CD96: variants seen among roughly 807,000 people sequenced by gnomAD.
CD96 encodes the protein T-cell surface protein tactile.
In CD96, 70 loss-of-function variants were observed where a neutral mutation model predicts 71.3. That is an observed-to-expected ratio of 0.98 (90% CI 0.81 to 1.20). The LOEUF (loss-of-function observed/expected upper bound fraction) is 1.20, where lower values mean the gene tolerates loss of function less well. CD96 is among the 50% of genes most tolerant of loss of function. CD96 has a pLI of 0.00. For synonymous variants in CD96, 248 were observed against 233.0 expected (o/e 1.06, Z -0.59); for missense variants, 742 against 677.5 (o/e 1.10, Z -1.06).
chr3:111,649,437 G>A (rs762150809), intron 13 of CD96, among the ~76,000 whole-genome samples: 50 of 152,278 alleles, frequency 3.3e-4, no homozygotes, highest in Non-Finnish European at 5.3e-4. Context: ...TCTGTAGATG[G>A]TGAGGCAATT....
intron 13 of CD96, among the ~76,000 whole-genome samples, chr3:111,648,729 ATC>A (rs10612267): frequency 0.018 from 2,780 of 152,208 alleles, 82 homozygotes; most frequent in African/African-American, 0.061. Flanking sequence ...ATGAGAATCA[ATC>A]TCTCTATCCT....
chr3:111,629,354 G>T (rs1187092017), intron 10 of CD96, among the ~76,000 whole-genome samples: 1 of 151,934 alleles, frequency 6.6e-6, no homozygotes, highest in Non-Finnish European at 1.5e-5. Flanking sequence ...AAAAAGCAGA[G>T]GTTGCAGTCT....
At chr3:111,626,275 C>A (rs1005833346) in intron 10 of CD96, among the ~76,000 whole-genome samples, 34 of 132,342 alleles carry the variant, frequency 2.6e-4, no homozygotes, top group Non-Finnish European at 4.5e-4. Flanking sequence ...CCACTGCACT[C>A]CAGCCTGGGT....
chr3:111,622,645 C>T (rs1045916343), intron 8 of CD96, among the ~76,000 whole-genome samples: 3 of 152,166 alleles, frequency 2.0e-5, no homozygotes, highest in Admixed American at 6.5e-5. Flanking sequence ...CATTCACTAC[C>T]AACTAAAGCT....
chr3:111,662,273 A>T (rs1399947748), intron 14 of CD96, among the ~76,000 whole-genome samples: 1 of 152,196 alleles, frequency 6.6e-6, no homozygotes, highest in Non-Finnish European at 1.5e-5. Context: ...TTTCCCTCTT[A>T]GTCCTCCAGG....
At position 111,567,629 on chromosome 3, in the gene CD96, C is replaced by A. The variant is rs1441678454; in HGVS notation, c.525C>A (p.Phe175Leu). 2 of 1,613,038 alleles carry A rather than the reference C, an allele frequency of 1.2e-6. No individual in the cohort carries two copies. Among genetic ancestry groups the A allele is most frequent in the African/African-American group, 2.7e-5 (2 of 74,904 alleles). ...QNSSSKISSE[F>L]TYAWSVEDNG... Reference sequence around the variant, plus strand: ...GCTCCTCAAAAATTTCATCTGAGTTCACCTATGCATGGTCGGTGGTAAGTG... The same window carrying A: ...GCTCCTCAAAAATTTCATCTGAGTTAACCTATGCATGGTCGGTGGTAAGTG... Residue 175 changes from phenylalanine to leucine, a missense_variant, in exon 3 of 14, where the codon TTC (phenylalanine) becomes TTA (leucine). Transcript: ENST00000352690.
At chr3:111,646,261 A>G (rs977636306) in intron 12 of CD96, among the ~76,000 whole-genome samples, 3 of 152,172 alleles carry the variant, frequency 2.0e-5, no homozygotes, top group African/African-American at 7.2e-5. Context: ...TGGTATATCC[A>G]TTGAACTATC....
Position 111,545,044 on chromosome 3 carries a change from A to G in CD96, c.62-2A>G. On this transcript the variant is annotated splice_acceptor_variant, in intron 1 of 13. Transcript: ENST00000352690. LOFTEE classifies it high-confidence loss of function. ...CTCATGGCTCATGTTCTTTCTTTTCAGGAGTTTGGGAAAAAACAGTCAACA... is the reference window on the plus strand; with the variant it reads ...CTCATGGCTCATGTTCTTTCTTTTCGGGAGTTTGGGAAAAAACAGTCAACA... The G allele has an allele frequency of 1.9e-6, 3 of 1,610,870 alleles. No individual in the cohort carries two copies. Among genetic ancestry groups the G allele is most frequent in the Admixed American group, 1.7e-5 (1 of 60,022 alleles).
chr3:111,602,151 C>A (rs1232277524), intron 7 of CD96, among the ~76,000 whole-genome samples: 1 of 152,164 alleles, frequency 6.6e-6, no homozygotes, highest in Non-Finnish European at 1.5e-5. Flanking sequence ...GTGGAGGTAG[C>A]TGATTCTCAC....
intron 10 of CD96, among the ~76,000 whole-genome samples, chr3:111,626,869 G>A (rs1938793956): frequency 6.6e-6 from 1 of 152,048 alleles, no homozygotes; most frequent in South Asian, 2.1e-4. Flanking sequence ...AAATTTTAAA[G>A]CAAGTATAAA....
downstream of CD96, among the ~76,000 whole-genome samples, chr3:111,657,279 A>G (rs576939742): frequency 7.9e-5 from 12 of 152,108 alleles, no homozygotes; most frequent in South Asian, 2.3e-3. Context: ...TTAGCCAGGC[A>G]TGGTGGCATG....
At chr3:111,619,592 A>G (rs776177230) in intron 8 of CD96, among the ~76,000 whole-genome samples, 1 of 152,240 alleles carries the variant, frequency 6.6e-6, no homozygotes, top group Admixed American at 6.5e-5. Context: ...AGAACACACT[A>G]TTGAATATTG....
At chr3:111,546,670 C>T (rs1278507305) in intron 2 of CD96, among the ~76,000 whole-genome samples, 1 of 151,698 alleles carries the variant, frequency 6.6e-6, no homozygotes, top group Admixed American at 6.6e-5. Flanking sequence ...GCAAAGTGGC[C>T]TGGTAATATA....
intron 3 of CD96, among the ~76,000 whole-genome samples, chr3:111,569,395 C>A (rs1935868416): frequency 6.6e-6 from 1 of 152,184 alleles, no homozygotes; most frequent in Admixed American, 6.5e-5. Context: ...AGTAAGTCTT[C>A]CTGGACAGTA....
chr3:111,611,981 A>G (rs1311279531), intron 8 of CD96, among the ~76,000 whole-genome samples: 1 of 152,210 alleles, frequency 6.6e-6, no homozygotes, highest in Non-Finnish European at 1.5e-5. Flanking sequence ...CAGATTGATG[A>G]GGCCGATTCA....
At chr3:111,557,130 G>A (rs1281095617) in intron 2 of CD96, among the ~76,000 whole-genome samples, 5 of 107,410 alleles carry the variant, frequency 4.7e-5, no homozygotes, top group Non-Finnish European at 8.9e-5. Context: ...AGTAGGTTGC[G>A]AAAATTTTCT....
chr3:111,657,509 T>G (rs1940261293), intron 14 of CD96, among the ~76,000 whole-genome samples: 1 of 144,290 alleles, frequency 6.9e-6, no homozygotes, highest in Non-Finnish European at 1.5e-5. Flanking sequence ...GGGGTGGGGG[T>G]GGTGGGAACA....
At chr3:111,604,121 C>T (rs1237148213) in intron 7 of CD96, among the ~76,000 whole-genome samples, 1 of 152,120 alleles carries the variant, frequency 6.6e-6, no homozygotes, top group African/African-American at 2.4e-5. Flanking sequence ...TGGGATTTGG[C>T]TTACTTCTAG....
intron 8 of CD96, among the ~76,000 whole-genome samples, chr3:111,612,318 T>G (rs897722131): frequency 6.6e-6 from 1 of 152,206 alleles, no homozygotes; most frequent in Non-Finnish European, 1.5e-5. Flanking sequence ...CAACAGAGGC[T>G]CACCAGGATT....
Sources: allele counts gnomAD v4.1 joint callset (sites outside exome capture counted in the v4.1 genomes callset), GRCh38; gene constraint gnomAD v4.1.1; transcripts MANE v1.5; gene names NCBI Gene and HGNC (gene_info 2026-07-23, HGNC 2026-07-21).